Variants in MINDY4 observed in about 807,000 individuals in gnomAD.
MINDY4 encodes MINDY lysine 48 deubiquitinase 4, also known as probable ubiquitin carboxyl-terminal hydrolase MINDY-4.
In MINDY4, 68 loss-of-function variants were observed where a neutral mutation model predicts 87.0. The observed-to-expected ratio is 0.78, with a 90% CI of 0.64 to 0.96. The LOEUF is 0.96. Among genes scored for constraint, MINDY4 ranks in the 40% least tolerant of loss-of-function variants. MINDY4 has a pLI of 0.00. For missense variants in MINDY4, 919 were observed against 928.2 expected, an observed-to-expected ratio of 0.99 and a Z score of 0.13; for synonymous variants, 379 against 363.2, an observed-to-expected ratio of 1.04 and a Z score of -0.50.
At chr7:30,804,274 A>C (rs971879336) in intron 5 of MINDY4, among the ~76,000 whole-genome samples, 3 of 152,270 alleles carry the variant, frequency 2.0e-5, no homozygotes, top group Admixed American at 6.5e-5. Context: ...TACTCATTCC[A>C]CAAGAAGTTA....
intron 5 of MINDY4, among the ~76,000 whole-genome samples, chr7:30,815,481 A>G (rs1485380412): frequency 6.6e-6 from 1 of 152,188 alleles, no homozygotes; most frequent in East Asian, 1.9e-4. Context: ...CTCATCCAGC[A>G]TCTCATGATG....
At chr7:30,820,194 C>T (rs1788285878) in intron 5 of MINDY4, among the ~76,000 whole-genome samples, 1 of 152,046 alleles carries the variant, frequency 6.6e-6, no homozygotes, top group Non-Finnish European at 1.5e-5. Flanking sequence ...AGCCACCGCG[C>T]CCGGCCAATA....
chr7:30,826,700 A>AT (rs1241021406), intron 5 of MINDY4, among the ~76,000 whole-genome samples: 1 of 152,214 alleles, frequency 6.6e-6, no homozygotes, highest in South Asian at 2.1e-4. Flanking sequence ...CTGGGTTTAA[A>AT]TTCCTGTGCT....
Position 30,874,355 on chromosome 7 carries a change from G to A in MINDY4, c.1810-1140G>A, listed in dbSNP as rs539513772. ...AGAGGGAAGTCACATGGGACAGAGA[G>A]AACCAGATGTGGGTGGAAGCTCAGC... is the stretch of plus-strand genomic sequence containing the variant. On this transcript the variant is annotated intron_variant, in intron 14 of 17. Coordinates refer to ENST00000265299, the MANE Select transcript of MINDY4 (RefSeq NM_032222.3). 9.8e-5 allele frequency among the ~76,000 whole-genome samples: 15 copies of A among 152,348 alleles called. No individual in the cohort carries two copies. The East Asian group carries it at 2.9e-3, about 29-fold the overall frequency.
Position 30,882,063 on chromosome 7 carries a change from C to A in MINDY4, c.1972-118C>A, listed in dbSNP as rs557016505. 2.9e-6 allele frequency: 3 copies of A among 1,032,622 alleles called. No individual in the cohort carries two copies. In the East Asian group the frequency reaches 7.3e-5, roughly 25 times the overall value. The allele number at this position is 1,032,622 out of a possible 1,614,324, so 64.0% of individuals were successfully genotyped here. On this transcript the variant is annotated intron_variant, in intron 15 of 17. Transcript: ENST00000265299. ...CGTGAGGGGCTCCCAGCATCAGACA[C>A]AAACGTGATCTTCAGCAGGGCCTCT...
Position 30,791,528 on chromosome 7 carries a change from C to T in MINDY4, c.1027C>T (p.Leu343=), listed in dbSNP as rs16875355. The change falls in exon 5 of 18, where the codon CTG becomes TTG. Residue 343 remains leucine (L), a synonymous_variant. Coordinates refer to ENST00000265299, the MANE Select transcript of MINDY4 (RefSeq NM_032222.3). ...TAATTCCAGGATGACCCAGGAGAGG[C>T]TGGAAAGAGCGTTCAAACGGCAGGG... ...GGNSRMTQER[L]ERAFKRQGSQ... is the part of the protein sequence containing the mutation. 0.047 allele frequency: 75,693 copies of T among 1,613,468 alleles called. 5,060 individuals are homozygous for T. Among genetic ancestry groups the T allele is most frequent in the African/African-American group, 0.29 (21,550 of 74,924 alleles).
chr7:30,821,152 T>C (rs917103792), intron 5 of MINDY4, among the ~76,000 whole-genome samples: 3 of 152,238 alleles, frequency 2.0e-5, no homozygotes, highest in African/African-American at 7.2e-5. Context: ...TCTGGTGTTT[T>C]AGTTTCACTT....
intron 9 of MINDY4, among the ~76,000 whole-genome samples, chr7:30,844,580 G>C (rs1467926498): frequency 6.6e-6 from 1 of 152,190 alleles, no homozygotes; most frequent in Non-Finnish European, 1.5e-5. Context: ...GCCTGCTGTC[G>C]GGGGCCTGGA....
At chr7:30,860,014 A>G (rs1193732420) in intron 13 of MINDY4, among the ~76,000 whole-genome samples, 1 of 152,308 alleles carries the variant, frequency 6.6e-6, no homozygotes, top group South Asian at 2.1e-4. Context: ...TAGCAGATTA[A>G]TAGCGCATGA....
intron 13 of MINDY4, among the ~76,000 whole-genome samples, chr7:30,871,944 C>G (rs886974136): frequency 2.0e-5 from 3 of 152,216 alleles, no homozygotes; most frequent in East Asian, 1.9e-4. Flanking sequence ...AGGGTCCTCT[C>G]TACCGTGTCA....
rs187080174 is a variant in MINDY4, at chr7:30,805,876, G to A, written c.1073+14302G>A. ...TTCAGGACAAGAGAGATTTGTGCAT[G>A]TTTGTGAGCCATGTTTGCACCAGCA... On this transcript the variant is annotated intron_variant, in intron 5 of 17. Coordinates refer to ENST00000265299, the MANE Select transcript of MINDY4 (RefSeq NM_032222.3). Among the ~76,000 whole-genome samples the A allele has an allele frequency of 3.9e-5, 6 of 152,306 alleles. No homozygotes were observed. In the East Asian group the frequency reaches 1.2e-3, roughly 29 times the overall value.
intron 4 of MINDY4, 44 bp from the exon 5 acceptor site, chr7:30,791,121 T>G (rs1233958075): frequency 6.6e-7 from 1 of 1,520,996 alleles, no homozygotes; most frequent in East Asian, 2.3e-5. Context: ...GTTTTCCAGC[T>G]CCCCTCAAAG....
intron 5 of MINDY4, among the ~76,000 whole-genome samples, chr7:30,792,504 G>A (rs1355691290): frequency 6.6e-6 from 1 of 152,166 alleles, no homozygotes; most frequent in Non-Finnish European, 1.5e-5. Context: ...TGTGCATTAA[G>A]TTGAAAGGTG....
chr7:30,836,858 G>A (rs1584295120), intron 7 of MINDY4, 94 bp downstream of exon 7: 1 of 916,270 alleles, frequency 1.1e-6, no homozygotes, highest in Non-Finnish European at 1.7e-6. Context: ...CCAGCTCATT[G>A]TAATCTCTTG....
chr7:30,807,904 T>C (rs7792099), intron 5 of MINDY4, among the ~76,000 whole-genome samples: 91,864 of 152,132 alleles, frequency 0.6, 29,727 homozygotes, highest in African/African-American at 0.85. Context: ...TTGTTGGAGA[T>C]GTGAGTCTTG....
At chr7:30,793,159 A>T (rs370199441) in intron 5 of MINDY4, among the ~76,000 whole-genome samples, 43,560 of 109,916 alleles carry the variant, frequency 0.4, 6,829 homozygotes, top group African/African-American at 0.5. Flanking sequence ...TGTTTATTTA[A>T]TTGTTTATAT....
At chr7:30,783,205 C>T (rs971612406) in intron 3 of MINDY4, among the ~76,000 whole-genome samples, 3 of 152,068 alleles carry the variant, frequency 2.0e-5, no homozygotes, top group Non-Finnish European at 4.4e-5. Context: ...TTCTAGAGGC[C>T]ACCTATGTGC....
intron 17 of MINDY4, among the ~76,000 whole-genome samples, chr7:30,890,688 G>A (rs1562569288): frequency 6.6e-6 from 1 of 152,188 alleles, no homozygotes; most frequent in Non-Finnish European, 1.5e-5. Flanking sequence ...TAGAGACTTT[G>A]ATGCAGCAAT....
chr7:30,783,486 T>C (rs2128166303), intron 3 of MINDY4, among the ~76,000 whole-genome samples: 1 of 152,338 alleles, frequency 6.6e-6, no homozygotes, highest in Admixed American at 6.5e-5. Flanking sequence ...ATTGGAACAC[T>C]AAGCATGAGG....
Sources: gnomAD v4.1 joint callset for allele counts (sites outside exome capture counted in the v4.1 genomes callset) on GRCh38, gnomAD v4.1.1 for gene constraint, MANE v1.5 for transcripts, NCBI Gene and HGNC (gene_info 2026-07-23, HGNC 2026-07-21) for gene names.